Variants in ZNF789 observed in about 807,000 individuals in gnomAD.
ZNF789 encodes the protein zinc finger protein 789.
A neutral mutation model predicts 15.6 loss-of-function variants in ZNF789; 11 were observed. That is an observed-to-expected ratio of 0.70 (90% CI 0.44 to 1.16). ZNF789 has a LOEUF of 1.16. Ranked by LOEUF, ZNF789 falls within the 50% of genes most tolerant of loss-of-function variation. The pLI is 0.00. For synonymous variants in ZNF789, 159 were observed against 176.0 expected, an observed-to-expected ratio of 0.90 and a Z score of 0.76; for missense variants, 461 against 512.6, an observed-to-expected ratio of 0.90 and a Z score of 0.97.
intron 1 of ZNF789, among the ~76,000 whole-genome samples, chr7:99,474,332 C>A (rs1000117569): frequency 1.3e-5 from 2 of 152,194 alleles, no homozygotes; most frequent in Non-Finnish European, 2.9e-5. Context: ...CGGTGGCTCA[C>A]GCCTGTAATC....
At chr7:99,479,887 A>C in intron 3 of ZNF789, 100 bp downstream of exon 3, 1 of 1,457,248 alleles carries the variant, frequency 6.9e-7, no homozygotes, top group Non-Finnish European at 9.1e-7. Flanking sequence ...AAAGCGGTGA[A>C]AACCGAAAGG....
At position 99,487,223 on chromosome 7, in the gene ZNF789, C is replaced by T. The variant is rs762190859; in HGVS notation, c.1013C>T (p.Pro338Leu). 12 of 1,614,004 alleles carry T rather than the reference C, an allele frequency of 7.4e-6. No individual in the cohort carries two copies. The highest frequency in any genetic ancestry group is 1.6e-4 in the Middle Eastern group (1 of 6,084). ...LLCHQQIHSKPNTHKCSECGQ... is the reference protein window; with the variant it reads ...LLCHQQIHSKLNTHKCSECGQ... ...TGTCATCAACAGATTCACAGTAAACCGAACACCCATAAATGCAGTGAATGT... is the reference window on the plus strand; with the variant it reads ...TGTCATCAACAGATTCACAGTAAACTGAACACCCATAAATGCAGTGAATGT... The change falls in exon 5 of 5, where the codon CCG (proline) becomes CTG (leucine). Residue 338 changes from proline (P) to leucine (L), a missense_variant. Physicochemically the swap from Pro to Leu is moderately conservative, Grantham distance 98 (BLOSUM62 -3). Transcript: ENST00000331410.
intron 1 of ZNF789, among the ~76,000 whole-genome samples, chr7:99,474,322 C>T (rs1171341096): frequency 5.9e-5 from 9 of 152,132 alleles, no homozygotes; most frequent in Admixed American, 3.9e-4. Context: ...GAGCCGGGCG[C>T]GGTGGCTCAC....
At chr7:99,483,329 TATAA>T (rs1009855329) in intron 3 of ZNF789, among the ~76,000 whole-genome samples, 49 of 151,472 alleles carry the variant, frequency 3.2e-4, no homozygotes, top group Admixed American at 1.8e-3. Flanking sequence ...TAAATAAATT[TATAA>T]ATAAATAAAT....
At chr7:99,476,678 G>A (rs1353548603) in intron 2 of ZNF789, among the ~76,000 whole-genome samples, 198 bp downstream of exon 2, 5 of 152,204 alleles carry the variant, frequency 3.3e-5, no homozygotes, top group Non-Finnish European at 7.3e-5. Context: ...TCTGTAAAAT[G>A]GGTCAGTGAG....
At chr7:99,478,366 G>A in intron 2 of ZNF789, 2 of 1,289,572 alleles carry the variant, frequency 1.6e-6, no homozygotes, top group South Asian at 2.5e-5. Context: ...GGTGAGAAAG[G>A]GCCTGCAACC....
At chr7:99,482,049 T>C (rs1392412221) in intron 3 of ZNF789, 3 of 706,968 alleles carry the variant, frequency 4.2e-6, no homozygotes, top group Non-Finnish European at 7.8e-6. Flanking sequence ...CTCATAAATA[T>C]ATAATAAGAT....
rs372727795 is a variant in ZNF789 at position 99,487,535 on chromosome 7, T to G, written c.*47T>G. ...TGGAGAACTAGAACTTATAAACCTC[T>G]ACTTCAAGTGTGTATCACGTAATTG... On this transcript the variant is annotated 3_prime_UTR_variant, in exon 5 of 5. Coordinates refer to ENST00000331410, the MANE Select transcript of ZNF789 (RefSeq NM_213603.3). 1.9e-6 allele frequency: 3 copies of G among 1,554,714 alleles called. No individual in the cohort carries two copies. Among genetic ancestry groups the G allele is most frequent in the Non-Finnish European group, 2.6e-6 (3 of 1,149,608 alleles).
At chr7:99,480,097 G>A (rs1377398246) in intron 3 of ZNF789, 7 of 364,358 alleles carry the variant, frequency 1.9e-5, no homozygotes, top group East Asian at 1.3e-4. Context: ...ATTCCGAGGC[G>A]GGTGGATCAC....
At chr7:99,473,640 A>T (rs1225976112) in intron 1 of ZNF789, among the ~76,000 whole-genome samples, 3 of 152,148 alleles carry the variant, frequency 2.0e-5, no homozygotes, top group Non-Finnish European at 4.4e-5. Context: ...GTTGTGTTTG[A>T]GACGAAGTGT....
intron 3 of ZNF789, chr7:99,482,475 G>A (rs2151065465): frequency 1.9e-6 from 1 of 534,720 alleles, no homozygotes; most frequent in Admixed American, 3.3e-5. Context: ...GGATTTGGGA[G>A]CATTTTGGAT....
chr7:99,475,551 C>T (rs1190151988), intron 1 of ZNF789, among the ~76,000 whole-genome samples: 1 of 152,036 alleles, frequency 6.6e-6, no homozygotes, highest in Non-Finnish European at 1.5e-5. Flanking sequence ...GTTGGAAATA[C>T]GTAAGTAGAT....
At chr7:99,484,593 C>G (rs527327289) in intron 4 of ZNF789, among the ~76,000 whole-genome samples, 1 of 152,188 alleles carries the variant, frequency 6.6e-6, no homozygotes, top group East Asian at 1.9e-4. Flanking sequence ...GCACTCCAGC[C>G]TGGGTGACAG....
chr7:99,477,034 G>C (rs185835718), intron 2 of ZNF789, among the ~76,000 whole-genome samples: 169 of 152,050 alleles, frequency 1.1e-3, no homozygotes, highest in Non-Finnish European at 1.5e-3. Context: ...GATTAGAAGA[G>C]ACTGAGTTGT....
At position 99,476,493 on chromosome 7, in the gene ZNF789, T is replaced by G. The variant is rs748613686; in HGVS notation, c.24+13T>G. 39 of 1,610,512 alleles carry G rather than the reference T, an allele frequency of 2.4e-5. No homozygotes were observed. The highest frequency in any genetic ancestry group is 2.7e-5 in the Non-Finnish European group (32 of 1,178,830). ...AGCCAGGGGGAAGGTGAGCTGTGCC[T>G]CCCCCTCTGCTTCATCAGCATAGTC... On this transcript the variant is annotated intron_variant, in intron 2 of 4. Transcript: ENST00000331410.
intron 4 of ZNF789, 147 bp downstream of exon 4, chr7:99,484,290 A>G: frequency 1.6e-6 from 1 of 620,982 alleles, no homozygotes. Context: ...GTGAAGTGGG[A>G]GGAAGATCGG....
chr7:99,484,278 C>A, intron 4 of ZNF789, 135 bp downstream of exon 4: 1 of 639,728 alleles, frequency 1.6e-6, no homozygotes, highest in Non-Finnish European at 2.7e-6. Context: ...CCCTACTGCC[C>A]TGTGAAGTGG....
intron 4 of ZNF789, among the ~76,000 whole-genome samples, chr7:99,485,953 C>T (rs1799917666): frequency 6.6e-6 from 1 of 152,162 alleles, no homozygotes; most frequent in African/African-American, 2.4e-5. Context: ...CATACACACT[C>T]CTATACATTT....
At chr7:99,476,196 GCAGGTTCT>G (rs1283394727) in intron 1 of ZNF789, 199 bp from the exon 2 acceptor site, 2 of 489,540 alleles carry the variant, frequency 4.1e-6, no homozygotes, top group Non-Finnish European at 7.2e-6. Context: ...GGGCAGGGCT[GCAGGTTCT>G]CTTGGATGGA....
Sources: allele counts gnomAD v4.1 joint callset (sites outside exome capture counted in the v4.1 genomes callset), GRCh38; gene constraint gnomAD v4.1.1; transcripts MANE v1.5; gene names NCBI Gene and HGNC (gene_info 2026-07-23, HGNC 2026-07-21).